Variants in CCDC148 observed in about 807,000 individuals in gnomAD.
CCDC148 encodes coiled-coil domain containing 148.
CCDC148 carries 89 observed loss-of-function variants against 85.7 expected under a neutral mutation model. The observed-to-expected ratio is 1.04, with a 90% CI of 0.87 to 1.24. The LOEUF (loss-of-function observed/expected upper bound fraction) is 1.24, where lower values mean the gene tolerates loss of function less well. CCDC148 is among the 50% of genes most tolerant of loss of function. The pLI, the probability that CCDC148 is intolerant of heterozygous loss-of-function variation, is 0.00. For synonymous variants in CCDC148, 230 were observed against 213.9 expected (o/e 1.08, Z -0.66); for missense variants, 692 against 671.7 (o/e 1.03, Z -0.33).
chr2:158,430,820 G>A (rs762830411), intron 1 of CCDC148, among the ~76,000 whole-genome samples: 3 of 151,926 alleles, frequency 2.0e-5, no homozygotes, highest in Non-Finnish European at 4.4e-5. Context: ...GAAAGAACTT[G>A]AAAATAGATC....
chr2:158,337,078 G>T (rs541673196), intron 7 of CCDC148, among the ~76,000 whole-genome samples: 49 of 152,254 alleles, frequency 3.2e-4, no homozygotes, highest in African/African-American at 1.2e-3. Context: ...GTCACACAGG[G>T]TTGCATTATG....
At chr2:158,456,150 G>A (rs1688696532) in intron 1 of CCDC148, among the ~76,000 whole-genome samples, 1 of 152,178 alleles carries the variant, frequency 6.6e-6, no homozygotes, top group Non-Finnish European at 1.5e-5. Context: ...GGTTTGCTTT[G>A]AGAATCAGGG....
rs182343255 is a variant in CCDC148, at chr2:158,443,380, T to C, written c.25+13035A>G. ...ATGATCAAGTGTAGTGGCCTGTGCCTGTGGTCCCAGCTACTTAGCAGGCTG... is the reference window on the plus strand; with the variant it reads ...ATGATCAAGTGTAGTGGCCTGTGCCCGTGGTCCCAGCTACTTAGCAGGCTG... On this transcript the variant is annotated intron_variant, in intron 1 of 13. Transcript: ENST00000283233. 2.0e-5 allele frequency among the ~76,000 whole-genome samples: 3 copies of C among 151,312 alleles called. No individual in the cohort carries two copies. In the East Asian group the frequency reaches 5.8e-4, roughly 29 times the overall value.
At chr2:158,407,052 C>G (rs1686059026) in intron 1 of CCDC148, among the ~76,000 whole-genome samples, 1 of 152,068 alleles carries the variant, frequency 6.6e-6, no homozygotes, top group South Asian at 2.1e-4. Flanking sequence ...CATTTCTTCC[C>G]CACTCAGTAT....
At chr2:158,200,647 C>CT (rs1259292697) in intron 11 of CCDC148, among the ~76,000 whole-genome samples, 1 of 152,160 alleles carries the variant, frequency 6.6e-6, no homozygotes, top group Admixed American at 6.5e-5. Flanking sequence ...GGGTGATGTA[C>CT]TTCATATTAT....
intron 1 of CCDC148, among the ~76,000 whole-genome samples, chr2:158,436,780 A>T (rs1212092313): frequency 6.6e-6 from 1 of 152,208 alleles, no homozygotes; most frequent in Non-Finnish European, 1.5e-5. Context: ...CACAATAAAA[A>T]ATGATAAAGG....
rs1403196063 is a variant in CCDC148, at chr2:158,456,705, A to T, written c.-266T>A. 1.3e-5 allele frequency: 7 copies of T among 536,880 alleles called. No homozygotes were observed. Among genetic ancestry groups the T allele is most frequent in the Non-Finnish European group, 2.3e-5 (7 of 301,058 alleles). The allele number at this position is 536,880 out of a possible 1,614,324, so 33.3% of individuals were successfully genotyped here. A position where few individuals can be genotyped will look rare whatever the true frequency, so the allele number is the denominator to read the frequency against. ...CGAGACCTGAGACACCTTCTCTCTC[A>T]CACCCACCCTCTCCAGGCCCTCTCG... is the stretch of plus-strand genomic sequence containing the variant. On this transcript the variant is annotated 5_prime_UTR_variant, in exon 1 of 14. The change creates a premature stop within an existing upstream ORF in the 5' untranslated region. Coordinates refer to ENST00000283233, the MANE Select transcript of CCDC148 (RefSeq NM_138803.4).
intron 1 of CCDC148, among the ~76,000 whole-genome samples, chr2:158,361,560 T>C (rs1030601412): frequency 6.6e-6 from 1 of 152,144 alleles, no homozygotes; most frequent in Non-Finnish European, 1.5e-5. Context: ...CAGAATTTCA[T>C]ATCCAGCCAA....
At chr2:158,300,967 G>T (rs529923337) in intron 9 of CCDC148, among the ~76,000 whole-genome samples, 43 of 152,212 alleles carry the variant, frequency 2.8e-4, no homozygotes, top group African/African-American at 9.9e-4. Context: ...AAATCCTCCT[G>T]CCTCAACCTC....
chr2:158,389,208 T>G (rs1685207201), intron 1 of CCDC148, among the ~76,000 whole-genome samples: 1 of 152,326 alleles, frequency 6.6e-6, no homozygotes, highest in East Asian at 1.9e-4. Flanking sequence ...TGGTCCCCAA[T>G]ATGAGAAACA....
At chr2:158,448,430 C>T (rs977927395) in intron 1 of CCDC148, among the ~76,000 whole-genome samples, 4 of 151,846 alleles carry the variant, frequency 2.6e-5, no homozygotes, top group African/African-American at 7.3e-5. Context: ...TCACTGCAGC[C>T]TTGACTTCCT....
chr2:158,423,029 T>C (rs550858035), intron 1 of CCDC148, among the ~76,000 whole-genome samples: 90 of 152,082 alleles, frequency 5.9e-4, no homozygotes, highest in Non-Finnish European at 1.1e-3. Flanking sequence ...ACAAGGGACA[T>C]AAAGGACCTC....
At chr2:158,233,326 A>T (rs942319771) in intron 10 of CCDC148, among the ~76,000 whole-genome samples, 3 of 151,704 alleles carry the variant, frequency 2.0e-5, no homozygotes, top group Non-Finnish European at 2.9e-5. Flanking sequence ...ATTTAGATCA[A>T]TGATGGTTCC....
intron 7 of CCDC148, among the ~76,000 whole-genome samples, chr2:158,331,321 G>T (rs1342773262): frequency 6.6e-6 from 1 of 152,188 alleles, no homozygotes; most frequent in Non-Finnish European, 1.5e-5. Context: ...GCAGTTTTGA[G>T]TGAGTTTCTT....
At position 158,339,026 on chromosome 2, in the gene CCDC148, C is replaced by G. The variant is rs1317632677; in HGVS notation, c.546G>C (p.Gln182His). The G allele has an allele frequency of 6.2e-7, 1 of 1,613,890 alleles. No individual in the cohort carries two copies. Among genetic ancestry groups the G allele is most frequent in the Admixed American group, 1.7e-5 (1 of 60,006 alleles). ...TVFERLRLEQ[Q>H]RIENDLSDWS... ...AGTCTGAAAGATCATTTTCTATTCT[C>G]TGTTGCTCCAGCCTAAGTCTTTCAA... Residue 182 changes from glutamine (Q) to histidine (H), a missense_variant, in exon 6 of 14, where the codon CAG (glutamine) becomes CAC (histidine). Gln to His is a conservative substitution (Grantham distance 24). Coordinates refer to ENST00000283233, the MANE Select transcript of CCDC148 (RefSeq NM_138803.4).
chr2:158,202,553 T>G (rs1424136686), intron 11 of CCDC148, among the ~76,000 whole-genome samples: 1 of 152,196 alleles, frequency 6.6e-6, no homozygotes, highest in Non-Finnish European at 1.5e-5. Context: ...ACACATTTTG[T>G]GGAAACGGTG....
intron 1 of CCDC148, among the ~76,000 whole-genome samples, chr2:158,373,015 A>G (rs1308301790): frequency 6.6e-6 from 1 of 152,110 alleles, no homozygotes; most frequent in Admixed American, 6.6e-5. Flanking sequence ...AAGGTGGCAA[A>G]GATAATTTAG....
At chr2:158,328,056 G>A (rs1317850991) in intron 7 of CCDC148, among the ~76,000 whole-genome samples, 1 of 151,486 alleles carries the variant, frequency 6.6e-6, no homozygotes. Context: ...GGGTACATGT[G>A]CACAATGTGC....
chr2:158,332,924 CTTTT>C (rs1296292662), intron 7 of CCDC148, among the ~76,000 whole-genome samples: 1 of 151,006 alleles, frequency 6.6e-6, no homozygotes, highest in Non-Finnish European at 1.5e-5. Flanking sequence ...CTTCTCTTTT[CTTTT>C]TTATTAGTCT....
Sources: allele counts gnomAD v4.1 joint callset (sites outside exome capture counted in the v4.1 genomes callset), GRCh38; gene constraint gnomAD v4.1.1; transcripts MANE v1.5; gene names NCBI Gene and HGNC (gene_info 2026-07-23, HGNC 2026-07-21).